The following HLCS variants were observed in gnomAD, a reference collection of about 807,000 sequenced individuals.
The protein encoded by HLCS is holocarboxylase synthetase, also known as biotin--protein ligase.
In HLCS, 53 loss-of-function variants were observed where a neutral mutation model predicts 75.0. The ratio of observed to expected loss-of-function variants is 0.71; its 90% CI spans 0.57 to 0.89. The LOEUF (loss-of-function observed/expected upper bound fraction) is 0.89, where lower values mean the gene tolerates loss of function less well. Among genes scored for constraint, HLCS ranks in the 40% least tolerant of loss-of-function variants. The probability of loss-of-function intolerance (pLI) is 0.00; values close to 1 mark genes in which losing one functional copy is unlikely to be tolerated. For missense variants in HLCS, 966 were observed against 1,074.0 expected, an observed-to-expected ratio of 0.90 and a Z score of 1.41; for synonymous variants, 431 against 428.6, an observed-to-expected ratio of 1.01 and a Z score of -0.07.
chr21:36,971,191 A>T (rs2068780424), upstream of HLCS, among the ~76,000 whole-genome samples: 1 of 152,170 alleles, frequency 6.6e-6, no homozygotes, highest in Non-Finnish European at 1.5e-5. Context: ...TAACTATTGG[A>T]AATATGCATT....
intron 6 of HLCS, among the ~76,000 whole-genome samples, chr21:36,809,519 C>T (rs928947978): frequency 2.0e-5 from 3 of 152,082 alleles, no homozygotes; most frequent in Admixed American, 2.0e-4. Context: ...ATTATTTCTT[C>T]TACTATTTTT....
At chr21:36,824,335 CAGAAAG>C (rs2146018551) in intron 6 of HLCS, among the ~76,000 whole-genome samples, 1 of 152,202 alleles carries the variant, frequency 6.6e-6, no homozygotes, top group Non-Finnish European at 1.5e-5. Context: ...CAAACTAACA[CAGAAAG>C]AGAAAACCAA....
chr21:36,839,193 G>A (rs1343214809), intron 6 of HLCS, among the ~76,000 whole-genome samples: 2 of 152,198 alleles, frequency 1.3e-5, no homozygotes, highest in Non-Finnish European at 2.9e-5. Context: ...ACACACGGCT[G>A]AAAAATACGA....
rs771688112 is a variant in HLCS at position 36,936,960 on chromosome 21, G to A, written c.926C>T (p.Pro309Leu). Residue 309 changes from proline (P) to leucine (L), a missense_variant, in exon 4 of 11, where the codon CCC (proline) becomes CTC (leucine). Coordinates refer to ENST00000674895, the MANE Select transcript of HLCS (RefSeq NM_001352514.2). ...GRRVNLTGKAPNILLYVGSDS... is the reference protein window; with the variant it reads ...GRRVNLTGKALNILLYVGSDS... ...GGAGCCCACATAGAGGAGGATGTTG[G>A]GTGCCTTTCCCGTGAGGTTGACTCT... 8.1e-6 allele frequency: 13 copies of A among 1,614,112 alleles called. No individual in the cohort carries two copies. In the South Asian group the frequency reaches 1.4e-4, roughly 18 times the overall value.
intron 6 of HLCS, among the ~76,000 whole-genome samples, chr21:36,888,637 G>A (rs1333708347): frequency 2.0e-5 from 3 of 151,508 alleles, no homozygotes; most frequent in Non-Finnish European, 4.4e-5. Flanking sequence ...AGCGCCAGAA[G>A]TCACTGAGAG....
intron 6 of HLCS, among the ~76,000 whole-genome samples, chr21:36,780,179 G>T (rs1270050802): frequency 6.6e-6 from 1 of 152,152 alleles, no homozygotes; most frequent in Non-Finnish European, 1.5e-5. Context: ...GATGATCTGA[G>T]GTGGAGCTGA....
intron 6 of HLCS, among the ~76,000 whole-genome samples, chr21:36,885,744 C>T (rs755873085): frequency 2.3e-4 from 35 of 152,134 alleles, no homozygotes; most frequent in Middle Eastern, 3.2e-3. Context: ...TGAAGGAGGG[C>T]CCCACATCTT....
At chr21:36,900,258 G>A (rs1485663003) in intron 5 of HLCS, among the ~76,000 whole-genome samples, 1 of 152,204 alleles carries the variant, frequency 6.6e-6, no homozygotes, top group Non-Finnish European at 1.5e-5. Context: ...TGGAGGACCT[G>A]CTAAGAAGGC....
At position 36,868,736 on chromosome 21, in the gene HLCS, G is replaced by A. The variant is rs193237701; in HGVS notation, c.1892+28124C>T. ...GGAAAAAACAATTGGCTGGCACGACGACTTTGTCCCCACGGAGCGTTGTAC... is the reference window on the plus strand; with the variant it reads ...GGAAAAAACAATTGGCTGGCACGACAACTTTGTCCCCACGGAGCGTTGTAC... On this transcript the variant is annotated intron_variant, in intron 6 of 10. Coordinates refer to ENST00000674895, the MANE Select transcript of HLCS (RefSeq NM_001352514.2). Among the ~76,000 whole-genome samples the A allele has an allele frequency of 1.9e-4, 29 of 152,208 alleles. 1 individual carries two copies. The highest frequency in any genetic ancestry group is 3.2e-4 in the Non-Finnish European group (22 of 68,018).
chr21:36,910,295 G>C (rs150130117), intron 5 of HLCS, among the ~76,000 whole-genome samples: 5 of 152,072 alleles, frequency 3.3e-5, no homozygotes, highest in Admixed American at 3.3e-4. Flanking sequence ...CTGTAATCCC[G>C]GCACTTTGGG....
chr21:36,966,490 A>T lies in HLCS; in HGVS notation c.149T>A (p.Val50Glu). The T allele has an allele frequency of 1.0e-6, 1 of 974,630 alleles. No individual in the cohort carries two copies. The highest frequency in any genetic ancestry group is 1.2e-6 in the Non-Finnish European group (1 of 827,950). 60.4% of individuals were successfully genotyped at this position (974,630 alleles called of 1,614,324 possible). Reference sequence around the variant, plus strand: ...GACGCGGCCGCCACGGCTCAGGCACACGCGGGCGCCCGGGGGCTGCGCGGC... The same window carrying T: ...GACGCGGCCGCCACGGCTCAGGCACTCGCGGGCGCCCGGGGGCTGCGCGGC... ...GAAAQPPGARVCLSRGGRVFC... is the reference protein window; with the variant it reads ...GAAAQPPGARECLSRGGRVFC... The change falls in exon 1 of 11, where the codon GTG becomes GAG. Residue 50 changes from valine (V) to glutamate (E), a missense_variant. By Grantham distance (121) the Val-to-Glu change is moderately radical (BLOSUM62 -2). Transcript: ENST00000674895.
chr21:36,822,972 A>G (rs553044740), intron 6 of HLCS, among the ~76,000 whole-genome samples: 9 of 152,382 alleles, frequency 5.9e-5, no homozygotes, highest in Admixed American at 3.3e-4. Context: ...ATTACCTGTT[A>G]TATTGATTAG....
chr21:36,858,277 T>C (rs560970086), intron 6 of HLCS, among the ~76,000 whole-genome samples: 1 of 152,340 alleles, frequency 6.6e-6, no homozygotes, highest in Non-Finnish European at 1.5e-5. Context: ...CTCATTTATC[T>C]GGAGTCCTTT....
intron 6 of HLCS, among the ~76,000 whole-genome samples, chr21:36,882,352 G>C (rs185517430): frequency 6.6e-6 from 1 of 152,072 alleles, no homozygotes; most frequent in Non-Finnish European, 1.5e-5. Context: ...GACCCGGAGA[G>C]GCTGAGTGAT....
intron 6 of HLCS, among the ~76,000 whole-genome samples, chr21:36,888,442 AAAAATATATATATATATATATATATAT>A (rs1313674598): frequency 2.5e-4 from 8 of 31,526 alleles, no homozygotes; most frequent in Non-Finnish European, 3.6e-4. Context: ...TAAAAAAAAA[AAAAATATATATATATATATATATATAT>A]ATATATATAT....
chr21:36,784,086 A>G (rs1294621737), intron 6 of HLCS, among the ~76,000 whole-genome samples: 1 of 152,140 alleles, frequency 6.6e-6, no homozygotes, highest in Non-Finnish European at 1.5e-5. Flanking sequence ...GGCCCTTGGT[A>G]TGAGCCATGT....
Position 36,856,960 on chromosome 21 carries a change from G to A in HLCS, c.1892+39900C>T, listed in dbSNP as rs139970551. 3.4e-3 allele frequency among the ~76,000 whole-genome samples: 513 copies of A among 152,314 alleles called. 7 individuals carry two copies. Among genetic ancestry groups the A allele is most frequent in the African/African-American group, 0.012 (489 of 41,580 alleles). ...TACCTTAAATTAGTAATTTGCTAAT[G>A]CAGGCAGTTCTCACTTTGCATGGTC... On this transcript the variant is annotated intron_variant, in intron 6 of 10. Transcript: ENST00000674895.
rs1306907130 is a variant in HLCS at position 36,759,790 on chromosome 21, T to C, written c.2173A>G (p.Met725Val). Residue 725 changes from methionine to valine, a missense_variant, in exon 9 of 11, where the codon ATG becomes GTG. Met to Val is a conservative substitution (Grantham distance 21). Coordinates refer to ENST00000674895, the MANE Select transcript of HLCS (RefSeq NM_001352514.2). ...WPNDIYYSDL[M>V]KIGGVLVNST... The stretch of plus-strand genomic sequence containing the variant: ...TTAACCAGAACTCCGCCGATCTTCA[T>C]GAGGTCACTGTAATAAATATCGTTG... 3 of 1,613,738 alleles carry C rather than the reference T, an allele frequency of 1.9e-6. No homozygotes were observed. The highest frequency in any genetic ancestry group is 2.7e-5 in the African/African-American group (2 of 74,936).
chr21:36,804,736 A>G (rs1044089459), intron 6 of HLCS, among the ~76,000 whole-genome samples: 4 of 152,150 alleles, frequency 2.6e-5, no homozygotes, highest in African/African-American at 9.7e-5. Flanking sequence ...TTTATTTGCT[A>G]TTTACTAACT....
Sources: gnomAD v4.1 joint callset for allele counts (sites outside exome capture counted in the v4.1 genomes callset) on GRCh38, gnomAD v4.1.1 for gene constraint, MANE v1.5 for transcripts, NCBI Gene and HGNC (gene_info 2026-07-23, HGNC 2026-07-21) for gene names.